Variants in ASTN1 observed in about 807,000 individuals in gnomAD.
The protein encoded by ASTN1 is astrotactin 1, also known as astrotactin-1.
ASTN1 carries 41 observed loss-of-function variants against 140.7 expected under a neutral mutation model. That is an observed-to-expected ratio of 0.29 (90% CI 0.23 to 0.38). The LOEUF is 0.38. Among genes scored for constraint, ASTN1 ranks in the 10% least tolerant of loss-of-function variants. The pLI, the probability that ASTN1 is intolerant of heterozygous loss-of-function variation, is 1.00. For synonymous variants in ASTN1, 640 were observed against 652.2 expected (o/e 0.98, Z 0.29); for missense variants, 1,479 against 1,678.8 (o/e 0.88, Z 2.08).
At chr1:177,125,690 C>T (rs575704903) in intron 1 of ASTN1, among the ~76,000 whole-genome samples, 127 of 152,324 alleles carry the variant, frequency 8.3e-4, no homozygotes, top group African/African-American at 3.0e-3. Context: ...AAGTATATTA[C>T]ACGAAGGACA....
intron 18 of ASTN1, 140 bp downstream of exon 18, chr1:176,887,931 G>A: frequency 8.3e-7 from 1 of 1,208,764 alleles, no homozygotes; most frequent in Non-Finnish European, 1.1e-6. Flanking sequence ...TGCCTCCCTT[G>A]GTAGATTGAA....
At chr1:176,913,848 G>C (rs1670363017) in intron 16 of ASTN1, among the ~76,000 whole-genome samples, 2 of 152,192 alleles carry the variant, frequency 1.3e-5, no homozygotes. Flanking sequence ...CACAGCTCAG[G>C]CTAAGGGTGA....
intron 5 of ASTN1, among the ~76,000 whole-genome samples, chr1:177,025,498 A>C (rs1054003161): frequency 2.6e-5 from 4 of 151,150 alleles, no homozygotes; most frequent in African/African-American, 9.7e-5. Context: ...GTTGGGGAGA[A>C]GACGAAATGC....
rs575230197 is a variant in ASTN1 at position 177,048,230 on chromosome 1, G to A, written c.471+12848C>T. ...AAAGGCGCTGAATCTCCAGTACCTC[G>A]GACGAGCCTCTCCCTCCTAATGGCA... On this transcript the variant is annotated intron_variant, in intron 2 of 22. Coordinates refer to ENST00000361833, the MANE Select transcript of ASTN1 (RefSeq NM_004319.3). 7.9e-5 allele frequency among the ~76,000 whole-genome samples: 12 copies of A among 152,258 alleles called. No individual in the cohort carries two copies. The South Asian group carries it at 1.7e-3, about 21-fold the overall frequency.
intron 8 of ASTN1, among the ~76,000 whole-genome samples, chr1:176,969,143 G>A (rs1438833320): frequency 6.6e-6 from 1 of 152,088 alleles, no homozygotes; most frequent in Non-Finnish European, 1.5e-5. Context: ...GTGAAAGTAA[G>A]AAACCCCCCC....
chr1:176,928,292 G>A (rs1671059534), intron 16 of ASTN1, among the ~76,000 whole-genome samples: 1 of 152,006 alleles, frequency 6.6e-6, no homozygotes, highest in African/African-American at 2.4e-5. Flanking sequence ...CAGGATTACT[G>A]GGAAATAAGA....
At chr1:176,990,233 A>AGGGGG (rs1318036272) in intron 8 of ASTN1, among the ~76,000 whole-genome samples, 1 of 1,624 alleles carries the variant, frequency 6.2e-4, no homozygotes, top group African/African-American at 3.2e-3. Flanking sequence ...AAAGCACAGC[A>AGGGGG]GGGGTGGGGG....
chr1:177,159,633 C>A (rs1208350632), intron 1 of ASTN1, among the ~76,000 whole-genome samples: 1 of 152,186 alleles, frequency 6.6e-6, no homozygotes. Context: ...AAGTTCTAAG[C>A]ACAAGACCAC....
chr1:176,881,119 C>T (rs902036328), intron 20 of ASTN1, among the ~76,000 whole-genome samples: 4 of 152,164 alleles, frequency 2.6e-5, no homozygotes, highest in Admixed American at 6.5e-5. Flanking sequence ...TGGATCCTTC[C>T]GGGAGAGGAA....
intron 16 of ASTN1, among the ~76,000 whole-genome samples, chr1:176,933,265 G>A: frequency 6.6e-6 from 1 of 152,248 alleles, no homozygotes; most frequent in East Asian, 1.9e-4. Context: ...ACTTGCCCCT[G>A]TGGCAGTCCT....
chr1:177,023,377 T>C, intron 7 of ASTN1, 27 bp downstream of exon 7: 1 of 1,557,928 alleles, frequency 6.4e-7, no homozygotes, highest in Non-Finnish European at 8.7e-7. Flanking sequence ...CTCTGACAGT[T>C]ACCCGCTGCC....
intron 1 of ASTN1, among the ~76,000 whole-genome samples, chr1:177,068,847 T>G (rs1257908116): frequency 6.7e-6 from 1 of 148,746 alleles, no homozygotes; most frequent in Non-Finnish European, 1.5e-5. Flanking sequence ...TGAGATAGGA[T>G]CTCACTCCAG....
intron 1 of ASTN1, among the ~76,000 whole-genome samples, chr1:177,106,601 T>C (rs1680553972): frequency 1.3e-5 from 2 of 152,178 alleles, no homozygotes; most frequent in East Asian, 1.9e-4. Flanking sequence ...CATTAAACAA[T>C]AGGGCCAAAG....
intron 19 of ASTN1, among the ~76,000 whole-genome samples, chr1:176,883,792 A>C (rs1165362845): frequency 6.6e-6 from 1 of 152,182 alleles, no homozygotes; most frequent in Non-Finnish European, 1.5e-5. Flanking sequence ...AGGTAGTGAA[A>C]TACTAAGGCA....
chr1:176,952,936 G>T (rs1198041617), intron 11 of ASTN1, among the ~76,000 whole-genome samples: 1 of 152,150 alleles, frequency 6.6e-6, no homozygotes, highest in Non-Finnish European at 1.5e-5. Context: ...ACAGGCTTAA[G>T]AAGAAAACTC....
rs1670068258 is a variant in ASTN1 at position 176,907,932 on chromosome 1, G to T, written c.2672-13102C>A. On this transcript the variant is annotated intron_variant, in intron 16 of 22. Transcript: ENST00000361833. ...CCTTCCTGCACTTTTAACAACAGTA[G>T]ATATTAAAACAATTACAAACCTAAA... Among the ~76,000 whole-genome samples the T allele has an allele frequency of 1.3e-5, 2 of 152,208 alleles. 1 individual carries two copies. The highest frequency in any genetic ancestry group is 4.1e-4 in the South Asian group (2 of 4,832).
intron 1 of ASTN1, among the ~76,000 whole-genome samples, chr1:177,127,745 T>C (rs1305431605): frequency 1.3e-5 from 2 of 152,212 alleles, no homozygotes; most frequent in Non-Finnish European, 2.9e-5. Flanking sequence ...GCCCACAGTG[T>C]TACAATTTTA....
chr1:177,151,990 G>A, intron 1 of ASTN1, among the ~76,000 whole-genome samples: 1 of 152,102 alleles, frequency 6.6e-6, no homozygotes, highest in Non-Finnish European at 1.5e-5. Context: ...TAGACTGAAA[G>A]AGCCAGTCAG....
chr1:177,013,426 G>GTTCT, intron 8 of ASTN1, among the ~76,000 whole-genome samples: 1 of 152,298 alleles, frequency 6.6e-6, no homozygotes, highest in Middle Eastern at 3.4e-3. Flanking sequence ...AGCTGGCTAA[G>GTTCT]TTCTCAGAGT....
Sources: gnomAD v4.1 joint callset for allele counts (sites outside exome capture counted in the v4.1 genomes callset) on GRCh38, gnomAD v4.1.1 for gene constraint, MANE v1.5 for transcripts, NCBI Gene and HGNC (gene_info 2026-07-23, HGNC 2026-07-21) for gene names.